The following PIEZO2 variants were observed in gnomAD, a reference collection of about 807,000 sequenced individuals.
PIEZO2 encodes the protein piezo-type mechanosensitive ion channel component 2.
A neutral mutation model predicts 337.3 loss-of-function variants in PIEZO2; 172 were observed. The ratio of observed to expected loss-of-function variants is 0.51; its 90% CI spans 0.45 to 0.58. The LOEUF is 0.58. PIEZO2 is among the 20% of genes least tolerant of loss of function. The probability of loss-of-function intolerance (pLI) is 0.00; values close to 1 mark genes in which losing one functional copy is unlikely to be tolerated. For missense variants in PIEZO2, 3,028 were observed against 3,391.3 expected (o/e 0.89, Z 2.66); for synonymous variants, 1,251 against 1,228.5 (o/e 1.02, Z -0.38).
At chr18:11,072,584 A>T (rs1178361570) in intron 1 of PIEZO2, among the ~76,000 whole-genome samples, 3 of 152,246 alleles carry the variant, frequency 2.0e-5, no homozygotes, top group Non-Finnish European at 4.4e-5. Flanking sequence ...TTACTGTGTG[A>T]CAAGCCCGGA....
chr18:11,032,323 G>A lies in PIEZO2; in HGVS notation c.160+33804C>T, dbSNP rs141822013. Reference sequence around the variant, plus strand: ...GTCAGAGATTTCTGCAAAGGAGTAAGTGACATTTACACCACTCCTGGACAT... The same window carrying A: ...GTCAGAGATTTCTGCAAAGGAGTAAATGACATTTACACCACTCCTGGACAT... On this transcript the variant is annotated intron_variant, in intron 2 of 55. Coordinates refer to ENST00000674853, the MANE Select transcript of PIEZO2 (RefSeq NM_001378183.1). The surrounding 1 kb of genome is among the most constrained non-coding windows in gnomAD (Gnocchi z 4.9). Among the ~76,000 whole-genome samples the A allele has an allele frequency of 6.6e-6, 1 of 152,202 alleles. No homozygotes were observed. The highest frequency in any genetic ancestry group is 1.5e-5 in the Non-Finnish European group (1 of 68,032).
At chr18:10,887,053 G>A (rs913139947) in intron 4 of PIEZO2, among the ~76,000 whole-genome samples, 2 of 146,660 alleles carry the variant, frequency 1.4e-5, no homozygotes, top group African/African-American at 2.5e-5. Context: ...GGGAGAGTGG[G>A]GAGGTGACAC....
intron 7 of PIEZO2, among the ~76,000 whole-genome samples, chr18:10,826,735 A>G (rs1189855): frequency 0.16 from 24,087 of 152,138 alleles, 2,180 homozygotes; most frequent in African/African-American, 0.25. Context: ...ACATTAAGGC[A>G]TACTCTTTAT....
intron 4 of PIEZO2, among the ~76,000 whole-genome samples, chr18:10,901,147 G>A (rs1026820008): frequency 6.6e-6 from 1 of 152,196 alleles, no homozygotes; most frequent in African/African-American, 2.4e-5. Context: ...GTGGTGGGCT[G>A]AGGAAGAATC....
chr18:10,856,107 G>A lies in PIEZO2; in HGVS notation c.704-541C>T, dbSNP rs750261850. Among the ~76,000 whole-genome samples, 13 of 151,618 alleles carry A rather than the reference G, an allele frequency of 8.6e-5. No individual in the cohort carries two copies. Among genetic ancestry groups the A allele is most frequent in the Admixed American group, 5.9e-4 (9 of 15,218 alleles). On this transcript the variant is annotated intron_variant, in intron 6 of 55. Coordinates refer to ENST00000674853, the MANE Select transcript of PIEZO2 (RefSeq NM_001378183.1). The surrounding 1 kb of genome is among the most constrained non-coding windows in gnomAD (Gnocchi z 4.7). ...TAGGGATGGGGTTTTGCCAAGTAGC[G>A]CAGGTTGGTCTTGAACTCCTGGGCT...
chr18:10,851,787 TATA>T (rs1460066046), intron 7 of PIEZO2, among the ~76,000 whole-genome samples: 1 of 152,188 alleles, frequency 6.6e-6, no homozygotes, highest in East Asian at 1.9e-4. Context: ...GATTTCACAT[TATA>T]ATGACTTCTT....
rs140865406 is a variant in PIEZO2 at position 10,981,304 on chromosome 18, C to T, written c.161-1644G>A. On this transcript the variant is annotated intron_variant, in intron 2 of 55. Transcript: ENST00000674853. ...TATAAAATAATGGCATCTTATGTAA[C>T]ACATAATAGATATGAAATCCATAAA... Among the ~76,000 whole-genome samples, 689 of 151,922 alleles carry T rather than the reference C, an allele frequency of 4.5e-3. 6 individuals are homozygous for T. Among genetic ancestry groups the T allele is most frequent in the African/African-American group, 0.014 (585 of 41,420 alleles).
intron 3 of PIEZO2, among the ~76,000 whole-genome samples, chr18:10,967,840 G>A (rs1335211482): frequency 6.6e-6 from 1 of 152,100 alleles, no homozygotes; most frequent in Non-Finnish European, 1.5e-5. Context: ...CTGGTTATTA[G>A]TCTTTTGTCA....
At chr18:10,922,493 T>C (rs1213517214) in intron 3 of PIEZO2, among the ~76,000 whole-genome samples, 1 of 151,970 alleles carries the variant, frequency 6.6e-6, no homozygotes, top group Non-Finnish European at 1.5e-5. Context: ...CCTTATAAAC[T>C]GAAGGGTAGG....
At position 10,677,833 on chromosome 18, in the gene PIEZO2, C is replaced by T. The variant is rs1355670037; in HGVS notation, c.7995G>A (p.Lys2665=). 5 of 1,607,332 alleles carry T rather than the reference C, an allele frequency of 3.1e-6. No individual in the cohort carries two copies. Among genetic ancestry groups the T allele is most frequent in the Admixed American group, 1.7e-5 (1 of 58,734 alleles). Residue 2665 remains lysine (K), a synonymous_variant, in exon 53 of 56, where the codon AAG becomes AAA. Transcript: ENST00000674853. This position sits in a 1 kb window ranked among gnomAD's most constrained non-coding sequence, Gnocchi z 4.1. The part of the protein sequence containing the change: ...LGAKSEIATD[K]LSFPLKNITR... ...TAATATTTTTAAGAGGAAAAGAAAG[C>T]TTATCTGTTGCTATTTCCGATTTTG...
chr18:10,835,103 G>A (rs1418300868), intron 7 of PIEZO2, among the ~76,000 whole-genome samples: 5 of 152,280 alleles, frequency 3.3e-5, no homozygotes, highest in Admixed American at 2.6e-4. Context: ...GAACCAGGAA[G>A]AGGGCCCTTG....
intron 49 of PIEZO2, among the ~76,000 whole-genome samples, chr18:10,688,741 A>G (rs961927420): frequency 8.5e-5 from 13 of 152,082 alleles, no homozygotes; most frequent in African/African-American, 3.1e-4. Flanking sequence ...AGACCAAACA[A>G]TCCCTAGTTC....
chr18:10,722,444 C>T (rs1346347136), intron 36 of PIEZO2, among the ~76,000 whole-genome samples: 2 of 151,784 alleles, frequency 1.3e-5, no homozygotes, highest in African/African-American at 4.9e-5. Context: ...ATTGGCCAAG[C>T]TGGTCTCGAA....
chr18:10,931,136 T>A (rs964452998), intron 3 of PIEZO2, among the ~76,000 whole-genome samples: 1 of 151,924 alleles, frequency 6.6e-6, no homozygotes, highest in African/African-American at 2.4e-5. Flanking sequence ...CTCTCTCTCT[T>A]CTCTATTTAT....
rs539595699 is a variant in PIEZO2 at position 11,106,418 on chromosome 18, C to CTTTTTTTT, written c.65-40204_65-40197dup. ...CGGCCCATTTTTTTCTTTCCTCTCTCTTTTTTTTTTTTTTTTTCTGAGACA... is the reference window on the plus strand; with the variant it reads ...CGGCCCATTTTTTTCTTTCCTCTCTCTTTTTTTTTTTTTTTTTTTTTTTTTCTGAGACA... On this transcript the variant is annotated intron_variant, in intron 1 of 55. Transcript: ENST00000674853. Among the ~76,000 whole-genome samples, 295 of 129,578 alleles carry CTTTTTTTT rather than the reference C, an allele frequency of 2.3e-3. 9 individuals are homozygous for CTTTTTTTT. The highest frequency in any genetic ancestry group is 7.5e-3 in the African/African-American group (238 of 31,814). The allele number at this position is 129,578 out of a possible 152,430, so 85.0% of individuals were successfully genotyped here. A position where few individuals can be genotyped will look rare whatever the true frequency, so the allele number is the denominator to read the frequency against.
intron 15 of PIEZO2, 149 bp downstream of exon 15, chr18:10,788,930 T>G: frequency 1.0e-6 from 1 of 994,188 alleles, no homozygotes; most frequent in Non-Finnish European, 1.4e-6. Flanking sequence ...TCATTTCCCA[T>G]TTTAGGATTC....
In PIEZO2 at chr18:10,795,052, T is replaced by TC. The variant is rs112076737; in HGVS notation, c.1528-51dup. Reference sequence around the variant, plus strand: ...CGACCATGGTCAATACAATGCTCAGTCCCCCCCGCCCTGGTAAGGTAAAAA... The same window carrying TC: ...CGACCATGGTCAATACAATGCTCAGTCCCCCCCCGCCCTGGTAAGGTAAAAA... On this transcript the variant is annotated intron_variant, in intron 12 of 55. Coordinates refer to ENST00000674853, the MANE Select transcript of PIEZO2 (RefSeq NM_001378183.1). This position sits in a 1 kb window ranked among gnomAD's most constrained non-coding sequence, Gnocchi z 4.4. 288 of 1,413,894 alleles carry TC rather than the reference T, an allele frequency of 2.0e-4. 1 individual carries two copies. Among genetic ancestry groups the TC allele is most frequent in the Non-Finnish European group, 2.5e-4 (263 of 1,033,250 alleles). 87.6% of individuals were successfully genotyped at this position (1,413,894 alleles called of 1,614,324 possible).
rs565147718 is a variant in PIEZO2, at chr18:11,088,628, G to T, written c.65-22406C>A. Reference sequence around the variant, plus strand: ...CACAGAAGGTTCCCTTAAATTGTGGGACTGAAGAGAGTGTAATGAAGGGGT... The same window carrying T: ...CACAGAAGGTTCCCTTAAATTGTGGTACTGAAGAGAGTGTAATGAAGGGGT... On this transcript the variant is annotated intron_variant, in intron 1 of 55. Transcript: ENST00000674853. Among the ~76,000 whole-genome samples, 49 of 152,310 alleles carry T rather than the reference G, an allele frequency of 3.2e-4. No homozygotes were observed. The South Asian group carries it at 9.9e-3, about 31-fold the overall frequency.
chr18:11,064,157 C>T (rs2038070057), intron 2 of PIEZO2, among the ~76,000 whole-genome samples: 1 of 152,160 alleles, frequency 6.6e-6, no homozygotes, highest in Non-Finnish European at 1.5e-5. Flanking sequence ...CACAAGATGC[C>T]TCAAAACACA....
Sources: allele counts gnomAD v4.1 joint callset (sites outside exome capture counted in the v4.1 genomes callset), GRCh38; gene constraint gnomAD v4.1.1; non-coding constraint Gnocchi (gnomAD v3.1); transcripts MANE v1.5; gene names NCBI Gene and HGNC (gene_info 2026-07-23, HGNC 2026-07-21).